Variants in NALF1 observed in about 807,000 individuals in gnomAD.
The protein encoded by NALF1 is family with sequence similarity 155 member A.
In NALF1, 3 loss-of-function variants were observed where a neutral mutation model predicts 48.4. That is an observed-to-expected ratio of 0.06 (90% confidence interval 0.03 to 0.16). The LOEUF (loss-of-function observed/expected upper bound fraction) is 0.16, where lower values mean the gene tolerates loss of function less well. NALF1 is among the 10% of genes least tolerant of loss of function. NALF1 has a pLI of 1.00. For missense variants in NALF1, 526 were observed against 571.5 expected (o/e 0.92, Z 0.81); for synonymous variants, 262 against 245.7 (o/e 1.07, Z -0.62).
intron 1 of NALF1, among the ~76,000 whole-genome samples, chr13:107,288,324 A>C (rs952456078): frequency 2.1e-5 from 3 of 144,510 alleles, no homozygotes; most frequent in Admixed American, 7.3e-5. Flanking sequence ...GGTTCACGCC[A>C]TTCTCCTGCC....
chr13:107,688,918 C>T (rs1594208275), intron 1 of NALF1, among the ~76,000 whole-genome samples: 2 of 152,222 alleles, frequency 1.3e-5, no homozygotes, highest in South Asian at 4.1e-4. Flanking sequence ...ACAAGAGTCT[C>T]GAAACGGAGG....
chr13:107,224,518 T>C (rs745382663), intron 1 of NALF1, among the ~76,000 whole-genome samples: 1 of 150,950 alleles, frequency 6.6e-6, no homozygotes, highest in South Asian at 2.1e-4. Flanking sequence ...GTAAAAAAGG[T>C]AAAAAATTGG....
rs570437896 is a variant in NALF1, at chr13:107,601,953, G to A, written c.915+263729C>T. On this transcript the variant is annotated intron_variant, in intron 1 of 2. Transcript: ENST00000375915. ...CTCTCCCACTTCCCTATCCTTTTTTGTTTTAATGCGACAAATTTCCCATTG... is the reference window on the plus strand; with the variant it reads ...CTCTCCCACTTCCCTATCCTTTTTTATTTTAATGCGACAAATTTCCCATTG... Among the ~76,000 whole-genome samples, 12 of 151,016 alleles carry A rather than the reference G, an allele frequency of 7.9e-5. No homozygotes were observed. In the East Asian group the frequency reaches 1.6e-3, roughly 20 times the overall value.
chr13:107,725,335 T>C (rs1312081609), intron 1 of NALF1, among the ~76,000 whole-genome samples: 1 of 152,178 alleles, frequency 6.6e-6, no homozygotes. Flanking sequence ...TATAATAATA[T>C]CTATGATGTG....
intron 1 of NALF1, among the ~76,000 whole-genome samples, chr13:107,285,418 A>C (rs1163313348): frequency 6.6e-6 from 1 of 152,244 alleles, no homozygotes; most frequent in African/African-American, 2.4e-5. Context: ...CTCTAAGCCC[A>C]GGACAGCATG....
intron 1 of NALF1, among the ~76,000 whole-genome samples, chr13:107,834,744 C>T (rs904003798): frequency 6.6e-6 from 1 of 152,152 alleles, no homozygotes; most frequent in Non-Finnish European, 1.5e-5. Flanking sequence ...TTCAACTCTG[C>T]TAAGGTATGG....
chr13:107,431,435 C>T (rs777504942), intron 1 of NALF1, among the ~76,000 whole-genome samples: 4 of 152,146 alleles, frequency 2.6e-5, no homozygotes, highest in Non-Finnish European at 5.9e-5. Context: ...TCAATTTGGA[C>T]AACAAATAAT....
At chr13:107,852,681 C>T (rs1450471705) in intron 1 of NALF1, among the ~76,000 whole-genome samples, 1 of 152,110 alleles carries the variant, frequency 6.6e-6, no homozygotes, top group African/African-American at 2.4e-5. Flanking sequence ...AGAAAATGGT[C>T]CTTCACCATT....
intron 1 of NALF1, among the ~76,000 whole-genome samples, chr13:107,492,936 A>G (rs937818565): frequency 2.0e-5 from 3 of 152,242 alleles, no homozygotes; most frequent in Non-Finnish European, 4.4e-5. Context: ...TAGAATAATT[A>G]TGAAAAACAG....
chr13:107,316,911 C>T (rs967164662), intron 1 of NALF1, among the ~76,000 whole-genome samples: 2 of 152,066 alleles, frequency 1.3e-5, no homozygotes, highest in Non-Finnish European at 2.9e-5. Flanking sequence ...ACACCTAAAT[C>T]TTCAGTTAAG....
At chr13:107,175,365 C>CCTGA (rs1029641513) in intron 2 of NALF1, among the ~76,000 whole-genome samples, 2 of 152,054 alleles carry the variant, frequency 1.3e-5, no homozygotes, top group Non-Finnish European at 2.9e-5. Context: ...GTTGTCAATA[C>CCTGA]CTGACTCTGG....
chr13:107,268,137 C>T (rs976524459), intron 1 of NALF1, among the ~76,000 whole-genome samples: 5 of 151,860 alleles, frequency 3.3e-5, no homozygotes, highest in Non-Finnish European at 5.9e-5. Context: ...CAGGCATGCA[C>T]CACCACCACA....
At position 107,607,081 on chromosome 13, in the gene NALF1, C is replaced by T. The variant is rs78556329; in HGVS notation, c.915+258601G>A. Among the ~76,000 whole-genome samples the T allele has an allele frequency of 1.3e-3, 201 of 152,144 alleles. 6 individuals are homozygous for T. The East Asian group carries it at 0.032, about 24-fold the overall frequency. ...TTTTGTCATCAGTTAATGGCAAAAC[C>T]GCAATTACCTTTTGCACTCAATCTA... On this transcript the variant is annotated intron_variant, in intron 1 of 2. Transcript: ENST00000375915.
At chr13:107,690,205 T>C (rs1881536147) in intron 1 of NALF1, among the ~76,000 whole-genome samples, 1 of 152,234 alleles carries the variant, frequency 6.6e-6, no homozygotes, top group African/African-American at 2.4e-5. Flanking sequence ...CCAGTTCTGC[T>C]GTGCTCCTAA....
intron 1 of NALF1, among the ~76,000 whole-genome samples, chr13:107,367,791 T>C (rs142129781): frequency 1.2e-3 from 176 of 152,316 alleles, no homozygotes; most frequent in African/African-American, 3.8e-3. Flanking sequence ...TAGGCAAACA[T>C]TCAGACAGAC....
rs543342377 is a variant in NALF1, at chr13:107,324,296, T to C, written c.916-113541A>G. ...AAAGGCCTATCATTTTAAAATATTTTGCTTTATATCCATGAAAATCCTTTT... is the reference window on the plus strand; with the variant it reads ...AAAGGCCTATCATTTTAAAATATTTCGCTTTATATCCATGAAAATCCTTTT... On this transcript the variant is annotated intron_variant, in intron 1 of 2. Coordinates refer to ENST00000375915, the MANE Select transcript of NALF1 (RefSeq NM_001080396.3). 5.3e-5 allele frequency among the ~76,000 whole-genome samples: 8 copies of C among 152,360 alleles called. No individual in the cohort carries two copies. The South Asian group carries it at 1.4e-3, about 28-fold the overall frequency.
Position 107,692,445 on chromosome 13 carries a change from T to C in NALF1, c.915+173237A>G, listed in dbSNP as rs565515465. Among the ~76,000 whole-genome samples the C allele has an allele frequency of 1.7e-3, 263 of 152,338 alleles. 2 individuals are homozygous for C. Among genetic ancestry groups the C allele is most frequent in the African/African-American group, 6.0e-3 (251 of 41,590 alleles). On this transcript the variant is annotated intron_variant, in intron 1 of 2. Coordinates refer to ENST00000375915, the MANE Select transcript of NALF1 (RefSeq NM_001080396.3). ...TGTAGCCAAACACAAACTTTTTTTT[T>C]CATTTAAAACCTCAATTTTCTTGAG...
At chr13:107,833,508 C>T (rs1018928420) in intron 1 of NALF1, among the ~76,000 whole-genome samples, 3 of 152,170 alleles carry the variant, frequency 2.0e-5, no homozygotes, top group Admixed American at 6.5e-5. Flanking sequence ...ATTCAAATCT[C>T]CCTATCATGA....
intron 1 of NALF1, among the ~76,000 whole-genome samples, chr13:107,418,993 G>C (rs1044216658): frequency 6.6e-6 from 1 of 152,138 alleles, no homozygotes; most frequent in Non-Finnish European, 1.5e-5. Flanking sequence ...ATAAAGCTGA[G>C]TATATAAAAT....
Sources: allele counts gnomAD v4.1 joint callset (sites outside exome capture counted in the v4.1 genomes callset), GRCh38; gene constraint gnomAD v4.1.1; transcripts MANE v1.5; gene names NCBI Gene and HGNC (gene_info 2026-07-23, HGNC 2026-07-21).